The following CLASP1 variants were observed in gnomAD, a reference collection of about 807,000 sequenced individuals.
CLASP1 encodes CLIP-associating protein 1.
CLASP1 carries 38 observed loss-of-function variants against 192.3 expected under a neutral mutation model. The observed-to-expected ratio is 0.20, with a 90% CI of 0.15 to 0.26. The LOEUF (loss-of-function observed/expected upper bound fraction) is 0.26. CLASP1 is among the 10% of genes least tolerant of loss of function. The pLI, the probability that CLASP1 is intolerant of heterozygous loss-of-function variation, is 1.00. For synonymous variants in CLASP1, 691 were observed against 712.8 expected (o/e 0.97, Z 0.49); for missense variants, 1,433 against 1,932.5 (o/e 0.74, Z 4.85).
At chr2:121,607,794 G>C (rs1443696446) in intron 1 of CLASP1, among the ~76,000 whole-genome samples, 2 of 152,080 alleles carry the variant, frequency 1.3e-5, no homozygotes, top group African/African-American at 4.8e-5. Context: ...CTCACAGTCT[G>C]AACACAGCAA....
intron 39 of CLASP1, among the ~76,000 whole-genome samples, chr2:121,345,817 A>G (rs1050663727): frequency 2.0e-5 from 3 of 152,232 alleles, no homozygotes; most frequent in African/African-American, 7.2e-5. Context: ...TCTGCCCCCC[A>G]GAGGGCATCT....
At position 121,363,040 on chromosome 2, in the gene CLASP1, G is replaced by A. The variant is rs2066713795; in HGVS notation, c.4206+132C>T. On this transcript the variant is annotated intron_variant, in intron 37 of 39. Transcript: ENST00000263710. ...ACGACAGCAATGGGGACTCCACTCT[G>A]TATTACGACATGGCTGAGTTCCAAG... The A allele has an allele frequency of 3.8e-5, 43 of 1,130,640 alleles. No homozygotes were observed. In the South Asian group the frequency reaches 6.8e-4, roughly 18 times the overall value. 70.0% of individuals were successfully genotyped at this position (1,130,640 alleles called of 1,614,324 possible).
At chr2:121,515,868 A>T in intron 6 of CLASP1, 106 bp from the exon 7 acceptor site, 1 of 816,546 alleles carries the variant, frequency 1.2e-6, no homozygotes, top group South Asian at 1.5e-5. Flanking sequence ...CCATTTTACC[A>T]GTGCAACTGT....
rs781725402 is a variant in CLASP1 at position 121,449,133 on chromosome 2, C to T, written c.1524-13G>A. On this transcript the variant is annotated splice_polypyrimidine_tract_variant and intron_variant, in intron 16 of 39. Transcript: ENST00000263710. Reference sequence around the variant, plus strand: ...ACCCCAGTAACATCTAGAGGAAACACACAAAATCCTGGTCTAATTCAAGGA... The same window carrying T: ...ACCCCAGTAACATCTAGAGGAAACATACAAAATCCTGGTCTAATTCAAGGA... The T allele has an allele frequency of 3.1e-6, 5 of 1,612,586 alleles. No individual in the cohort carries two copies. Among genetic ancestry groups the T allele is most frequent in the Admixed American group, 1.7e-5 (1 of 59,914 alleles).
chr2:121,360,132 G>A (rs753190223), intron 37 of CLASP1, among the ~76,000 whole-genome samples: 50 of 152,288 alleles, frequency 3.3e-4, no homozygotes, highest in African/African-American at 8.9e-4. Flanking sequence ...GTAACGTCAC[G>A]CTGGCAAGAG....
chr2:121,458,093 A>G (rs1377965585), intron 13 of CLASP1, among the ~76,000 whole-genome samples: 1 of 152,218 alleles, frequency 6.6e-6, no homozygotes, highest in East Asian at 1.9e-4. Context: ...TACTATTTCA[A>G]TAGAAATGTC....
At chr2:121,527,926 G>T in intron 4 of CLASP1, 36 bp from the exon 5 acceptor site, 1 of 1,541,058 alleles carries the variant, frequency 6.5e-7, no homozygotes. Flanking sequence ...GAAAGGAGAA[G>T]ACTGCTGCAG....
At chr2:121,378,459 C>T (rs2070803315) in intron 33 of CLASP1, among the ~76,000 whole-genome samples, 1 of 152,106 alleles carries the variant, frequency 6.6e-6, no homozygotes, top group Non-Finnish European at 1.5e-5. Context: ...AAAAGCCAAA[C>T]AATCCTTTTT....
intron 2 of CLASP1, among the ~76,000 whole-genome samples, chr2:121,546,117 G>A (rs72971222): frequency 1.2e-3 from 186 of 152,212 alleles, no homozygotes; most frequent in African/African-American, 4.2e-3. Context: ...CACATTTCCT[G>A]TGATTTATCA....
chr2:121,502,289 A>T (rs2093780258), intron 8 of CLASP1, among the ~76,000 whole-genome samples: 3 of 152,190 alleles, frequency 2.0e-5, no homozygotes, highest in Admixed American at 2.0e-4. Context: ...AAGAACAATA[A>T]AGGGAATAAA....
exon 3 of CLASP1, chr2:121,530,276 TGCA>T (rs1164119006): frequency 6.4e-7 from 1 of 1,552,252 alleles, no homozygotes; most frequent in Non-Finnish European, 8.7e-7. Flanking sequence ...GAACCGATCC[TGCA>T]GCCGGGTCAC....
intron 8 of CLASP1, among the ~76,000 whole-genome samples, chr2:121,489,805 G>A (rs1299381542): frequency 1.3e-5 from 2 of 152,178 alleles, no homozygotes; most frequent in Non-Finnish European, 2.9e-5. Flanking sequence ...AATAAACAAT[G>A]ACTTAAGACA....
At chr2:121,529,426 A>C (rs1008993623) in intron 3 of CLASP1, among the ~76,000 whole-genome samples, 1 of 152,264 alleles carries the variant, frequency 6.6e-6, no homozygotes, top group Non-Finnish European at 1.5e-5. Context: ...CAAATGTCTA[A>C]AAGTAAAAGC....
intron 2 of CLASP1, among the ~76,000 whole-genome samples, chr2:121,590,050 T>C (rs2062205523): frequency 6.6e-6 from 1 of 152,166 alleles, no homozygotes; most frequent in South Asian, 2.1e-4. Context: ...TTTATTTACC[T>C]TATTTCCTCT....
intron 2 of CLASP1, among the ~76,000 whole-genome samples, chr2:121,537,993 G>T (rs762024294): frequency 6.6e-6 from 1 of 152,078 alleles, no homozygotes; most frequent in Non-Finnish European, 1.5e-5. Context: ...CCTACAAAAA[G>T]CATCACACTT....
intron 10 of CLASP1, among the ~76,000 whole-genome samples, chr2:121,461,680 G>A (rs903867137): frequency 6.6e-6 from 1 of 152,092 alleles, no homozygotes; most frequent in Non-Finnish European, 1.5e-5. Flanking sequence ...ACCTGAACCC[G>A]AGATTGTTTT....
At chr2:121,589,489 G>A (rs1559698770) in intron 2 of CLASP1, among the ~76,000 whole-genome samples, 1 of 152,086 alleles carries the variant, frequency 6.6e-6, no homozygotes, top group Non-Finnish European at 1.5e-5. Flanking sequence ...AATTAGCCGG[G>A]TGTGGTGGTG....
intron 17 of CLASP1, 136 bp from the exon 18 acceptor site, chr2:121,448,461 T>C: frequency 5.4e-6 from 4 of 744,738 alleles, no homozygotes; most frequent in Non-Finnish European, 9.0e-6. Flanking sequence ...TGAACCACAA[T>C]GTTGTAAACT....
intron 19 of CLASP1, among the ~76,000 whole-genome samples, chr2:121,439,916 A>G (rs780913842): frequency 3.3e-5 from 4 of 122,254 alleles, no homozygotes; most frequent in African/African-American, 6.4e-5. Flanking sequence ...GGGGAATATC[A>G]CACTCTGGGA....
Sources: allele counts gnomAD v4.1 joint callset (sites outside exome capture counted in the v4.1 genomes callset), GRCh38; gene constraint gnomAD v4.1.1; transcripts MANE v1.5; gene names NCBI Gene and HGNC (gene_info 2026-07-23, HGNC 2026-07-21).